Variants in TRPM3 observed in about 807,000 individuals in gnomAD.
The protein encoded by TRPM3 is transient receptor potential cation channel subfamily M member 3, also known as long transient receptor potential channel 3.
In TRPM3, 77 loss-of-function variants were observed where a neutral mutation model predicts 181.2. The observed-to-expected ratio is 0.42, with a 90% CI of 0.35 to 0.51. The LOEUF is 0.51. Among genes scored for constraint, TRPM3 ranks in the 20% least tolerant of loss-of-function variants. The pLI is 0.01. For synonymous variants in TRPM3, 745 were observed against 796.4 expected, an observed-to-expected ratio of 0.94 and a Z score of 1.09; for missense variants, 1,759 against 2,196.7, an observed-to-expected ratio of 0.80 and a Z score of 3.98.
chr9:70,991,984 C>A (rs1200739588), intron 1 of TRPM3, among the ~76,000 whole-genome samples: 1 of 152,182 alleles, frequency 6.6e-6, no homozygotes, highest in African/African-American at 2.4e-5. Flanking sequence ...CTCCAGGTAG[C>A]CTCCCTCTTG....
At chr9:71,278,550 T>A (rs2084404354) in intron 1 of TRPM3, among the ~76,000 whole-genome samples, 1 of 152,172 alleles carries the variant, frequency 6.6e-6, no homozygotes, top group African/African-American at 2.4e-5. Flanking sequence ...ACAGTATAGG[T>A]TATTAGGCAC....
chr9:70,977,412 G>C (rs1384309576), intron 1 of TRPM3, among the ~76,000 whole-genome samples: 1 of 152,234 alleles, frequency 6.6e-6, no homozygotes, highest in African/African-American at 2.4e-5. Context: ...GGGATTACAG[G>C]CGTGAGCCAC....
intron 1 of TRPM3, among the ~76,000 whole-genome samples, chr9:71,289,465 A>T (rs1020141551): frequency 6.6e-6 from 1 of 152,226 alleles, no homozygotes; most frequent in Non-Finnish European, 1.5e-5. Flanking sequence ...TTCCAAATGT[A>T]GCACTGAGGA....
intron 1 of TRPM3, among the ~76,000 whole-genome samples, chr9:71,207,932 G>C (rs1045245592): frequency 1.2e-4 from 19 of 152,058 alleles, no homozygotes; most frequent in African/African-American, 4.1e-4. Flanking sequence ...TCTTTGATGA[G>C]AGTGGTTTCC....
At chr9:70,881,936 C>T (rs185059428) in intron 1 of TRPM3, among the ~76,000 whole-genome samples, 1 of 152,186 alleles carries the variant, frequency 6.6e-6, no homozygotes, top group African/African-American at 2.4e-5. Flanking sequence ...TAGAGGGGCT[C>T]AGTATGTGTG....
intron 1 of TRPM3, among the ~76,000 whole-genome samples, chr9:71,099,816 C>T (rs951238093): frequency 1.3e-5 from 2 of 152,160 alleles, no homozygotes; most frequent in African/African-American, 4.8e-5. Context: ...GTCATTATTA[C>T]TCCCTTTACA....
At chr9:70,680,616 C>A (rs182143245) in intron 9 of TRPM3, among the ~76,000 whole-genome samples, 1 of 152,246 alleles carries the variant, frequency 6.6e-6, no homozygotes, top group East Asian at 1.9e-4. Flanking sequence ...TAGTGACCAA[C>A]CATGACTCTA....
chr9:71,227,167 T>G (rs967597660), intron 1 of TRPM3, among the ~76,000 whole-genome samples: 4 of 136,306 alleles, frequency 2.9e-5, no homozygotes, highest in Non-Finnish European at 6.4e-5. Context: ...CTGACCATAA[T>G]GGAATAAAAC....
intron 1 of TRPM3, among the ~76,000 whole-genome samples, chr9:71,187,908 T>C (rs866895133): frequency 0.015 from 1,651 of 112,402 alleles, 28 homozygotes; most frequent in African/African-American, 0.047. Context: ...GATAGATAGA[T>C]AGATAGATAG....
At chr9:71,007,792 A>G (rs2097695628) in intron 1 of TRPM3, among the ~76,000 whole-genome samples, 1 of 152,184 alleles carries the variant, frequency 6.6e-6, no homozygotes, top group Non-Finnish European at 1.5e-5. Flanking sequence ...CTTTTGCTGT[A>G]GAGTTTACAG....
At chr9:70,588,302 A>T (rs191916650) in intron 22 of TRPM3, among the ~76,000 whole-genome samples, 157 of 152,270 alleles carry the variant, frequency 1.0e-3, no homozygotes, top group African/African-American at 3.7e-3. Flanking sequence ...GCAAGGTAAC[A>T]TTGCCTCCCA....
Position 71,097,048 on chromosome 9 carries a change from C to T in TRPM3, c.177+24130G>A, listed in dbSNP as rs554704190. Among the ~76,000 whole-genome samples, 120 of 152,214 alleles carry T rather than the reference C, an allele frequency of 7.9e-4. 1 individual carries two copies. Among genetic ancestry groups the T allele is most frequent in the African/African-American group, 2.7e-3 (113 of 41,526 alleles). On this transcript the variant is annotated intron_variant, in intron 1 of 25. Transcript: ENST00000677713. ...CTATTTGGCCAGCGCCCAGGCAACA[C>T]TAGCGGTTTCCTATGTCCTTCCCGA...
intron 1 of TRPM3, among the ~76,000 whole-genome samples, chr9:71,416,520 T>C (rs1223355328): frequency 6.6e-6 from 1 of 151,930 alleles, no homozygotes; most frequent in East Asian, 1.9e-4. Context: ...CTGGATAATG[T>C]TTCCATCTTG....
At chr9:70,576,079 T>C (rs2053850749) in intron 22 of TRPM3, among the ~76,000 whole-genome samples, 2 of 152,188 alleles carry the variant, frequency 1.3e-5, no homozygotes, top group Non-Finnish European at 2.9e-5. Context: ...GTTTTCATGA[T>C]GAATGCCATT....
intron 3 of TRPM3, among the ~76,000 whole-genome samples, chr9:70,849,081 A>G (rs1302965070): frequency 1.3e-5 from 2 of 152,144 alleles, no homozygotes; most frequent in Admixed American, 6.6e-5. Context: ...ATATTTTCAT[A>G]CTGCCAAAAC....
At chr9:70,955,621 G>A (rs2097059918) in intron 1 of TRPM3, among the ~76,000 whole-genome samples, 1 of 152,186 alleles carries the variant, frequency 6.6e-6, no homozygotes, top group South Asian at 2.1e-4. Context: ...ATCAAGGAAA[G>A]CGCTAGAACT....
chr9:70,979,989 A>G (rs2097347299), intron 1 of TRPM3, among the ~76,000 whole-genome samples: 1 of 151,298 alleles, frequency 6.6e-6, no homozygotes, highest in Non-Finnish European at 1.5e-5. Flanking sequence ...AGCTGGCCAC[A>G]TTAGGGTCTA....
chr9:71,345,936 G>T (rs2091267737), intron 1 of TRPM3, among the ~76,000 whole-genome samples: 1 of 152,100 alleles, frequency 6.6e-6, no homozygotes, highest in Non-Finnish European at 1.5e-5. Context: ...TGGACCAACT[G>T]GAAGTCTTAA....
chr9:71,042,499 C>T (rs1440818091), intron 1 of TRPM3, among the ~76,000 whole-genome samples: 2 of 152,026 alleles, frequency 1.3e-5, no homozygotes, highest in South Asian at 2.1e-4. Context: ...AGTGGGTGTT[C>T]GATAAATGTC....
Sources: gnomAD v4.1 joint callset for allele counts (sites outside exome capture counted in the v4.1 genomes callset) on GRCh38, gnomAD v4.1.1 for gene constraint, MANE v1.5 for transcripts, NCBI Gene and HGNC (gene_info 2026-07-23, HGNC 2026-07-21) for gene names.